GGCX: variants seen among roughly 807,000 people sequenced by gnomAD.
GGCX encodes the protein gamma-glutamyl carboxylase, also known as vitamin K-dependent gamma-carboxylase.
A neutral mutation model predicts 88.5 loss-of-function variants in GGCX; 63 were observed. That is an observed-to-expected ratio of 0.71 (90% CI 0.58 to 0.88). The LOEUF (loss-of-function observed/expected upper bound fraction) is 0.88, where lower values mean the gene tolerates loss of function less well. Ranked by LOEUF, GGCX falls within the 40% of genes least tolerant of loss-of-function variation. The pLI, the probability that GGCX is intolerant of heterozygous loss-of-function variation, is 0.00. For synonymous variants in GGCX, 368 were observed against 365.8 expected (o/e 1.01, Z -0.07); for missense variants, 805 against 932.9 (o/e 0.86, Z 1.79).
chr2:85,553,273 G>A lies in GGCX; in HGVS notation c.1114C>T (p.Leu372=). 6.2e-7 allele frequency: 1 copy of A among 1,614,188 alleles called. No individual in the cohort carries two copies. The highest frequency in any genetic ancestry group is 8.5e-7 in the Non-Finnish European group (1 of 1,179,970). The change falls in exon 8 of 15, where the codon CTG becomes TTG. Residue 372 remains leucine (L), a synonymous_variant. Coordinates refer to ENST00000233838, the MANE Select transcript of GGCX (RefSeq NM_000821.7). Reference sequence around the variant, plus strand: ...GAATAGGGCAGGAATAGCTGCTCCAGGAGGTAGAGCAGGGTGAAGGCAGCT... The same window carrying A: ...GAATAGGGCAGGAATAGCTGCTCCAAGAGGTAGAGCAGGGTGAAGGCAGCT... The part of the protein sequence containing the change: ...LGAAFTLLYL[L]EQLFLPYSHF...
rs78504541 is a variant in GGCX, at chr2:85,551,841, G to A, written c.1580C>T (p.Thr527Ile). ...QEIKSSLDNH[T>I]EVVFIADFPG... ...GAAATCTGCAATGAAGACCACCTCA[G>A]TGTGGTTGTCTAGGCTGCTCTTGAT... Residue 527 changes from threonine (T) to isoleucine (I), a missense_variant, in exon 11 of 15, where the codon ACT becomes ATT. By Grantham distance (89) the Thr-to-Ile change is moderately conservative (BLOSUM62 -1). Transcript: ENST00000233838. The A allele has an allele frequency of 5.6e-4, 903 of 1,613,632 alleles. 8 individuals carry two copies. The African/African-American group carries it at 0.011, about 19-fold the overall frequency.
intron 4 of GGCX, 86 bp from the exon 5 acceptor site, chr2:85,556,346 C>A (rs1692203697): frequency 1.2e-6 from 1 of 837,654 alleles, no homozygotes; most frequent in Admixed American, 1.9e-5. Flanking sequence ...ATAATCCTAT[C>A]TATCCTGGGC....
At position 85,547,015 on chromosome 2, in the gene GGCX, G is replaced by A. The variant is rs1425316537; in HGVS notation, c.*2919C>T. On this transcript the variant is annotated 3_prime_UTR_variant, in exon 15 of 15. Coordinates refer to ENST00000233838, the MANE Select transcript of GGCX (RefSeq NM_000821.7). ...GTAAACAAAGATTCCCCAACCTTGA[G>A]GGAGCTTGTGGACCAAGGGGATAGT... is the stretch of plus-strand genomic sequence containing the variant. The A allele has an allele frequency of 6.6e-6, 1 of 152,214 alleles. No individual in the cohort carries two copies. Among genetic ancestry groups the A allele is most frequent in the Admixed American group, 6.5e-5 (1 of 15,286 alleles). The allele number at this position is 152,214 out of a possible 1,614,324, so 9.4% of individuals were successfully genotyped here. A position where few individuals can be genotyped will look rare whatever the true frequency, so the allele number is the denominator to read the frequency against.
At position 85,552,011 on chromosome 2, in the gene GGCX, A is replaced by G. The variant is rs2103959529; in HGVS notation, c.1440-30T>C. Reference sequence around the variant, plus strand: ...GGAAAGAAAACCATGTTCTAAGGACATCACAGCCACCCACCCACCAGAACT... The same window carrying G: ...GGAAAGAAAACCATGTTCTAAGGACGTCACAGCCACCCACCCACCAGAACT... On this transcript the variant is annotated intron_variant, in intron 10 of 14. Transcript: ENST00000233838. 2.6e-6 allele frequency: 4 copies of G among 1,565,162 alleles called. 1 individual carries two copies. In the East Asian group the frequency reaches 9.0e-5, roughly 35 times the overall value.
In GGCX at chr2:85,549,826, C is replaced by CAA. The variant is rs59419074; in HGVS notation, c.*106_*107dup. 0.023 allele frequency: 10,572 copies of CAA among 464,282 alleles called. No individual in the cohort carries two copies. Among genetic ancestry groups the CAA allele is most frequent in the South Asian group, 0.039 (2,055 of 52,096 alleles). The allele number at this position is 464,282 out of a possible 1,614,324, so 28.8% of individuals were successfully genotyped here. Reference sequence around the variant, plus strand: ...AAACAGCTTTAGAACCCCGCCCCCCCAAAAAAAAAAAAAAAACTTTTGAGA... The same window carrying CAA: ...AAACAGCTTTAGAACCCCGCCCCCCCAAAAAAAAAAAAAAAAAACTTTTGAGA... On this transcript the variant is annotated 3_prime_UTR_variant, in exon 15 of 15. Coordinates refer to ENST00000233838, the MANE Select transcript of GGCX (RefSeq NM_000821.7).
chr2:85,559,051 G>A lies in GGCX; in HGVS notation c.239C>T (p.Pro80Leu), dbSNP rs1692325686. ...LFGFLMVLDIPQERGLSSLDR... is the reference protein window; with the variant it reads ...LFGFLMVLDILQERGLSSLDR... ...CAGAGAGCTGAGCCCCCGCTCCTGG[G>A]GAATGTCTAGCACCATCAAGAACCC... The change falls in exon 3 of 15, where the codon CCC (proline) becomes CTC (leucine). Residue 80 changes from proline (P) to leucine (L), a missense_variant. By Grantham distance (98) the Pro-to-Leu change is moderately conservative (BLOSUM62 -3). Around this residue, in one of 3 missense-constraint regions of GGCX, gnomAD observed 61 missense variants for 111.9 expected, o/e 0.54. Coordinates refer to ENST00000233838, the MANE Select transcript of GGCX (RefSeq NM_000821.7). 10 of 1,614,010 alleles carry A rather than the reference G, an allele frequency of 6.2e-6. No homozygotes were observed. Among genetic ancestry groups the A allele is most frequent in the East Asian group, 2.2e-5 (1 of 44,896 alleles).
Position 85,553,243 on chromosome 2 carries a change from A to G in GGCX, c.1144T>C (p.Phe382Leu). The change falls in exon 8 of 15, where the codon TTT becomes CTT. Residue 382 changes from phenylalanine (F) to leucine (L), a missense_variant. Phe to Leu is a conservative substitution (Grantham distance 22). Around this residue, in one of 3 missense-constraint regions of GGCX, gnomAD observed 680 missense variants for 763.7 expected, o/e 0.89. Transcript: ENST00000233838. ...CAGCCCCTACAAACCTGGGTGAGAA[A>G]ATGAGAATAGGGCAGGAATAGCTGC... The part of the protein sequence containing the change: ...LEQLFLPYSH[F>L]LTQGYNNWTN... The G allele has an allele frequency of 6.2e-7, 1 of 1,614,208 alleles. No individual in the cohort carries two copies. Among genetic ancestry groups the G allele is most frequent in the South Asian group, 1.1e-5 (1 of 91,086 alleles).
At chr2:85,553,850 C>T in intron 7 of GGCX, 1 of 478,340 alleles carries the variant, frequency 2.1e-6, no homozygotes, top group Non-Finnish European at 3.8e-6. Context: ...ATCCACCCAC[C>T]TCGGCCTCCC....
chr2:85,551,641 C>G (rs2103957753), intron 11 of GGCX, 31 bp from the exon 12 acceptor site: 2 of 1,612,236 alleles, frequency 1.2e-6, no homozygotes, highest in African/African-American at 1.3e-5. Flanking sequence ...ATCATCCCAC[C>G]CCATGGCAGA....
intron 9 of GGCX, 121 bp downstream of exon 9, chr2:85,552,818 T>C: frequency 2.6e-6 from 3 of 1,142,662 alleles, no homozygotes; most frequent in Non-Finnish European, 4.0e-6. Flanking sequence ...AATCTGGCTC[T>C]TGAGAAAAGG....
rs1356111188 is a variant in GGCX at position 85,545,653 on chromosome 2, C to G, written c.*4281G>C. 2 of 152,098 alleles carry G rather than the reference C, an allele frequency of 1.3e-5. No homozygotes were observed. The highest frequency in any genetic ancestry group is 2.9e-5 in the Non-Finnish European group (2 of 68,044). 9.4% of individuals were successfully genotyped at this position (152,098 alleles called of 1,614,324 possible). On this transcript the variant is annotated 3_prime_UTR_variant, in exon 15 of 15. Coordinates refer to ENST00000233838, the MANE Select transcript of GGCX (RefSeq NM_000821.7). ...ATTCATGTGTCCTTATTGCAGCAGC[C>G]ATTCAATGCCATTTTTAAGTTTTCA... is the stretch of plus-strand genomic sequence containing the variant.
At position 85,558,613 on chromosome 2, in the gene GGCX, T is replaced by G. The variant is rs748148707; in HGVS notation, c.374-8A>C. On this transcript the variant is annotated splice_polypyrimidine_tract_variant and splice_region_variant and intron_variant, in intron 3 of 14. Coordinates refer to ENST00000233838, the MANE Select transcript of GGCX (RefSeq NM_000821.7). ...GCATCATGCCCAGTGCCCCTGGGAT[T>G]TGTAGGGAGAGGATTAAGAGGTCAA... 1.2e-6 allele frequency: 2 copies of G among 1,610,396 alleles called. No homozygotes were observed.
At chr2:85,560,509 A>G (rs1006669677) in intron 2 of GGCX, among the ~76,000 whole-genome samples, 3 of 151,938 alleles carry the variant, frequency 2.0e-5, no homozygotes, top group Non-Finnish European at 4.4e-5. Context: ...AGACTGAGGG[A>G]GGAGAATCGC....
intron 10 of GGCX, 91 bp downstream of exon 10, chr2:85,552,325 T>C (rs1404890477): frequency 7.7e-7 from 1 of 1,294,464 alleles, no homozygotes; most frequent in African/African-American, 1.5e-5. Context: ...GACAGCTTTT[T>C]AAGCAAGACA....
At position 85,546,412 on chromosome 2, in the gene GGCX, G is replaced by A. The variant is rs1179191922; in HGVS notation, c.*3522C>T. 1.4e-5 allele frequency: 2 copies of A among 148,142 alleles called. No homozygotes were observed. The highest frequency in any genetic ancestry group is 3.0e-5 in the Non-Finnish European group (2 of 67,584). 9.2% of individuals were successfully genotyped at this position (148,142 alleles called of 1,614,324 possible). A position where few individuals can be genotyped will look rare whatever the true frequency, so the allele number is the denominator to read the frequency against. On this transcript the variant is annotated 3_prime_UTR_variant, in exon 15 of 15. Transcript: ENST00000233838. ...CACTCCGGCCAGGGTAACAGAGTGA[G>A]ACTTAAAAAAAAAGCCGTGGAAATC...
At chr2:85,560,195 T>C (rs1692369843) in intron 2 of GGCX, among the ~76,000 whole-genome samples, 1 of 152,112 alleles carries the variant, frequency 6.6e-6, no homozygotes, top group Admixed American at 6.5e-5. Context: ...AGCCAAAAGG[T>C]ATGGTCCCTG....
chr2:85,552,571 C>A lies in GGCX; in HGVS notation c.1288-4G>T. On this transcript the variant is annotated splice_region_variant and splice_polypyrimidine_tract_variant and intron_variant, in intron 9 of 14. Coordinates refer to ENST00000233838, the MANE Select transcript of GGCX (RefSeq NM_000821.7). ...ATCGCCGACTCTGTGTAAATACCTG[C>A]CCCAAACCCCCATATTAGTCCCACC... is the stretch of plus-strand genomic sequence containing the variant. 1 of 1,612,722 alleles carries A rather than the reference C, an allele frequency of 6.2e-7. No homozygotes were observed. Among genetic ancestry groups the A allele is most frequent in the Non-Finnish European group, 8.5e-7 (1 of 1,179,538 alleles).
In GGCX at chr2:85,554,143, CA is replaced by C; in HGVS notation, c.888del (p.Ile296MetfsTer106). ...FHCMNSQLFS[I>X]GMFSYVMLAS... is the part of the protein sequence containing the mutation. Reference sequence around the variant, plus strand: ...TTCCTCCCAGGCTACAGGTACTGACCAATGCTGAAAAGCTGGGAATTCATGC... The same window carrying C: ...TTCCTCCCAGGCTACAGGTACTGACCATGCTGAAAAGCTGGGAATTCATGC... On this transcript the variant is annotated frameshift_variant and splice_region_variant, in exon 7 of 15. Transcript: ENST00000233838. LOFTEE classifies it high-confidence loss of function. 1.2e-6 allele frequency: 2 copies of C among 1,610,854 alleles called. No homozygotes were observed. Among genetic ancestry groups the C allele is most frequent in the Non-Finnish European group, 1.7e-6 (2 of 1,177,012 alleles).
At chr2:85,554,426 C>T (rs1692114767) in intron 6 of GGCX, 120 bp from the exon 7 acceptor site, 1 of 853,566 alleles carries the variant, frequency 1.2e-6, no homozygotes, top group Non-Finnish European at 2.0e-6. Flanking sequence ...GGTACATAAT[C>T]CACCCATGAA....
Sources: gnomAD v4.1 joint callset for allele counts (sites outside exome capture counted in the v4.1 genomes callset) on GRCh38, gnomAD v4.1.1 for gene constraint, gnomAD v4.1.1 regional missense constraint, MANE v1.5 for transcripts, NCBI Gene and HGNC (gene_info 2026-07-23, HGNC 2026-07-21) for gene names.